The following GLIS3 variants were observed in gnomAD, a reference collection of about 807,000 sequenced individuals.
The protein encoded by GLIS3 is zinc finger protein GLIS3.
In GLIS3, 53 loss-of-function variants were observed where a neutral mutation model predicts 78.6. The observed-to-expected ratio is 0.67, with a 90% CI of 0.54 to 0.85. The LOEUF (loss-of-function observed/expected upper bound fraction) is 0.85. GLIS3 is among the 40% of genes least tolerant of loss of function. The pLI, the probability that GLIS3 is intolerant of heterozygous loss-of-function variation, is 0.00. For synonymous variants in GLIS3, 684 were observed against 509.9 expected (o/e 1.34, Z -4.60); for missense variants, 1,703 against 1,231.1 (o/e 1.38, Z -5.74).
At chr9:4,351,386 C>T (rs186862103), upstream of GLIS3, among the ~76,000 whole-genome samples, 329 of 101,526 alleles carry the variant, frequency 3.2e-3, no homozygotes, top group African/African-American at 0.012. Flanking sequence ...GCATGGGCAA[C>T]AGAGTGTCTC....
At chr9:4,422,946 C>T in the GLIS3 span, among the ~76,000 whole-genome samples, 1 of 152,178 alleles carries the variant, frequency 6.6e-6, no homozygotes, top group African/African-American at 2.4e-5. Flanking sequence ...TGTTGCCTTG[C>T]TATGCCCTGT....
At chr9:3,908,102 G>T (rs1385440914) in intron 6 of GLIS3, among the ~76,000 whole-genome samples, 3 of 152,092 alleles carry the variant, frequency 2.0e-5, no homozygotes, top group African/African-American at 7.2e-5. Flanking sequence ...ACCTTAATTT[G>T]CCAGAACAAT....
chr9:3,868,435 T>C (rs544997717), intron 8 of GLIS3, among the ~76,000 whole-genome samples: 1 of 20,940 alleles, frequency 4.8e-5, no homozygotes, highest in African/African-American at 5.3e-5. Context: ...AAATACAAGC[T>C]TCAAATTGCT....
the GLIS3 span, among the ~76,000 whole-genome samples, chr9:4,443,675 T>A: frequency 1.3e-5 from 2 of 152,192 alleles, no homozygotes; most frequent in African/African-American, 4.8e-5. Flanking sequence ...TTGCAATGCA[T>A]GTTTCTAGAG....
intron 2 of GLIS3, among the ~76,000 whole-genome samples, chr9:4,329,482 T>C (rs1160835232): frequency 6.6e-6 from 1 of 152,170 alleles, no homozygotes; most frequent in African/African-American, 2.4e-5. Context: ...CTAGGTGGTA[T>C]CTGGGGGCCT....
chr9:4,012,765 CT>C (rs71324278), intron 4 of GLIS3, among the ~76,000 whole-genome samples: 1,966 of 66,584 alleles, frequency 0.03, 23 homozygotes, highest in African/African-American at 0.073. Flanking sequence ...TTTTCTTTTT[CT>C]TTTTTTTTTT....
intron 2 of GLIS3, among the ~76,000 whole-genome samples, chr9:4,251,406 T>C (rs1301340641): frequency 6.6e-6 from 1 of 151,270 alleles, no homozygotes; most frequent in African/African-American, 2.4e-5. Flanking sequence ...AAAGTCTGTT[T>C]TATTAGAGAC....
At chr9:4,310,825 T>C (rs1040307954) in intron 2 of GLIS3, among the ~76,000 whole-genome samples, 3 of 152,210 alleles carry the variant, frequency 2.0e-5, no homozygotes, top group Admixed American at 6.5e-5. Context: ...CCCACATCCT[T>C]CTGAAATAAG....
intron 2 of GLIS3, among the ~76,000 whole-genome samples, chr9:4,211,003 C>G (rs2131298661): frequency 6.6e-6 from 1 of 152,346 alleles, no homozygotes; most frequent in Admixed American, 6.5e-5. Flanking sequence ...GTACCACACT[C>G]TTCTCCACTT....
intron 2 of GLIS3, among the ~76,000 whole-genome samples, chr9:4,192,387 A>C (rs1224195391): frequency 6.6e-6 from 1 of 152,230 alleles, no homozygotes; most frequent in Non-Finnish European, 1.5e-5. Context: ...ATTTTTGTGG[A>C]CTAAGCTGAA....
intron 4 of GLIS3, among the ~76,000 whole-genome samples, chr9:4,064,223 C>T (rs1795394819): frequency 1.3e-5 from 2 of 151,880 alleles, no homozygotes; most frequent in South Asian, 4.1e-4. Flanking sequence ...TTGTATTATA[C>T]AGTACATAAA....
At chr9:3,840,685 C>A (rs541693385) in intron 9 of GLIS3, among the ~76,000 whole-genome samples, 205 of 152,324 alleles carry the variant, frequency 1.3e-3, no homozygotes, top group African/African-American at 4.8e-3. Context: ...ACTGGAGCAA[C>A]CGCCTGGTCC....
chr9:4,338,056 G>A (rs1257872651), intron 2 of GLIS3, among the ~76,000 whole-genome samples: 1 of 119,566 alleles, frequency 8.4e-6, no homozygotes. Flanking sequence ...GTGTGTGTGT[G>A]TGTGTGTTTA....
At position 3,855,963 on chromosome 9, in the gene GLIS3, C is replaced by CA. The variant is rs34461578; in HGVS notation, c.2473+45dup. 689,204 of 1,594,750 alleles carry CA rather than the reference C, an allele frequency of 0.43. 153,043 individuals carry two copies. Among genetic ancestry groups the CA allele is most frequent in the South Asian group, 0.49 (44,467 of 90,452 alleles). On this transcript the variant is annotated intron_variant, in intron 9 of 10. Coordinates refer to ENST00000381971, the MANE Select transcript of GLIS3 (RefSeq NM_001042413.2). Reference sequence around the variant, plus strand: ...GTAACTAAGATGAAAAGCAACAGCACAATGTCACTTTTCAAAACTCAAGGG... The same window carrying CA: ...GTAACTAAGATGAAAAGCAACAGCACAAATGTCACTTTTCAAAACTCAAGGG...
At chr9:3,968,429 C>A (rs539413774) in intron 4 of GLIS3, among the ~76,000 whole-genome samples, 5 of 152,196 alleles carry the variant, frequency 3.3e-5, no homozygotes, top group Admixed American at 3.3e-4. Flanking sequence ...GTAGCATTTT[C>A]AGTATCACCA....
At chr9:4,285,938 C>T in intron 2 of GLIS3, 100 bp downstream of exon 2, 2 of 1,400,372 alleles carry the variant, frequency 1.4e-6, no homozygotes, top group Non-Finnish European at 2.0e-6. Flanking sequence ...GACCCTGACA[C>T]TGAATCATGT....
chr9:4,289,957 G>A (rs1004052307), intron 1 of GLIS3, among the ~76,000 whole-genome samples: 1 of 152,172 alleles, frequency 6.6e-6, no homozygotes, highest in African/African-American at 2.4e-5. Flanking sequence ...CTGAAAATGC[G>A]TGACTTTAAT....
At chr9:4,266,128 C>T (rs1481757743) in intron 2 of GLIS3, among the ~76,000 whole-genome samples, 1 of 151,940 alleles carries the variant, frequency 6.6e-6, no homozygotes, top group Non-Finnish European at 1.5e-5. Context: ...CCATGTTATC[C>T]AGGATGGTCT....
At chr9:4,172,745 T>C (rs1816483632) in intron 2 of GLIS3, among the ~76,000 whole-genome samples, 1 of 152,144 alleles carries the variant, frequency 6.6e-6, no homozygotes, top group Admixed American at 6.5e-5. Flanking sequence ...ATTAAATCAT[T>C]AGGAAATAAA....
Sources: gnomAD v4.1 joint callset for allele counts (sites outside exome capture counted in the v4.1 genomes callset) on GRCh38, gnomAD v4.1.1 for gene constraint, MANE v1.5 for transcripts, NCBI Gene and HGNC (gene_info 2026-07-23, HGNC 2026-07-21) for gene names.